The following TMX4 variants were observed in gnomAD, a reference collection of about 807,000 sequenced individuals.
The protein encoded by TMX4 is thioredoxin related transmembrane protein 4.
TMX4 carries 23 observed loss-of-function variants against 33.3 expected under a neutral mutation model. The ratio of observed to expected loss-of-function variants is 0.69; its 90% CI spans 0.50 to 0.98. The LOEUF (loss-of-function observed/expected upper bound fraction) is 0.98, where lower values mean the gene tolerates loss of function less well. Ranked by LOEUF, TMX4 falls within the 50% of genes least tolerant of loss-of-function variation. TMX4 has a pLI of 0.00. For missense variants in TMX4, 399 were observed against 448.9 expected (o/e 0.89, Z 1.01); for synonymous variants, 164 against 161.5 (o/e 1.02, Z -0.12).
intron 5 of TMX4, among the ~76,000 whole-genome samples, chr20:7,988,987 T>G (rs1379701960): frequency 6.7e-6 from 1 of 148,604 alleles, no homozygotes; most frequent in East Asian, 2.0e-4. Context: ...GCCACTGCAC[T>G]CCAGCCTGGG....
intron 5 of TMX4, among the ~76,000 whole-genome samples, chr20:7,992,154 T>G (rs2050657855): frequency 6.6e-6 from 1 of 152,226 alleles, no homozygotes; most frequent in South Asian, 2.1e-4. Context: ...GCATACAATT[T>G]TAAAGAAATT....
chr20:7,995,317 C>A (rs2050671540), intron 5 of TMX4, among the ~76,000 whole-genome samples: 1 of 152,120 alleles, frequency 6.6e-6, no homozygotes, highest in Non-Finnish European at 1.5e-5. Flanking sequence ...TTTGTTCAAT[C>A]TGGTTGGATT....
chr20:8,012,978 T>C (rs1327133559), intron 1 of TMX4, among the ~76,000 whole-genome samples: 2 of 152,216 alleles, frequency 1.3e-5, no homozygotes, highest in Non-Finnish European at 2.9e-5. Context: ...GCATGGGAAC[T>C]GGTCCATTGT....
chr20:7,985,245 A>ATATATG (rs1311791212), intron 6 of TMX4, among the ~76,000 whole-genome samples: 1 of 144,848 alleles, frequency 6.9e-6, no homozygotes, highest in African/African-American at 2.6e-5. Flanking sequence ...GTGTATATAT[A>ATATATG]TGTGTGTGTG....
chr20:7,982,646 T>C (rs1463093543), intron 7 of TMX4, 25 bp from the exon 8 acceptor site: 1 of 1,584,360 alleles, frequency 6.3e-7, no homozygotes, highest in Non-Finnish European at 8.6e-7. Flanking sequence ...AAGAGGAATA[T>C]CCTCTGAATA....
intron 6 of TMX4, among the ~76,000 whole-genome samples, chr20:7,985,278 T>TA (rs1491289875): frequency 0.04 from 2,023 of 50,758 alleles, 17 homozygotes; most frequent in East Asian, 0.16. Flanking sequence ...TATATATATA[T>TA]TTTTTTTTTT....
chr20:7,989,173 A>C (rs983830036), intron 5 of TMX4, among the ~76,000 whole-genome samples: 26 of 152,304 alleles, frequency 1.7e-4, no homozygotes, highest in African/African-American at 6.0e-4. Flanking sequence ...CTGTGTATTA[A>C]GCTTATGCTT....
At chr20:7,982,821 T>C (rs1185085664) in intron 7 of TMX4, among the ~76,000 whole-genome samples, 200 bp from the exon 8 acceptor site, 4 of 152,190 alleles carry the variant, frequency 2.6e-5, no homozygotes, top group Non-Finnish European at 4.4e-5. Context: ...GGAGATTTCA[T>C]GGACCATAAT....
chr20:8,006,965 C>A (rs896910349), intron 2 of TMX4, among the ~76,000 whole-genome samples: 2 of 152,152 alleles, frequency 1.3e-5, no homozygotes, highest in African/African-American at 4.8e-5. Context: ...AAAGGTTTCA[C>A]CACATTGGCC....
Position 7,994,214 on chromosome 20 carries a change from T to C in TMX4, c.513+1812A>G, listed in dbSNP as rs149392368. On this transcript the variant is annotated intron_variant, in intron 5 of 7. Transcript: ENST00000246024. Reference sequence around the variant, plus strand: ...TCCTTTTGGAAATATCTGGAAATTATAAATATACATTTATATAACATATAT... The same window carrying C: ...TCCTTTTGGAAATATCTGGAAATTACAAATATACATTTATATAACATATAT... Among the ~76,000 whole-genome samples the C allele has an allele frequency of 1.2e-3, 178 of 152,272 alleles. 2 individuals are homozygous for C. The highest frequency in any genetic ancestry group is 4.2e-3 in the African/African-American group (173 of 41,556).
At position 7,979,356 on chromosome 20, in the gene TMX4, C is replaced by T. The variant is rs2050594856; in HGVS notation, c.*2895G>A. ...AGGGAAAATCAGGAAAAATGGTTCCCACAGATATTTAAAGTTTTAATGGGT... is the reference window on the plus strand; with the variant it reads ...AGGGAAAATCAGGAAAAATGGTTCCTACAGATATTTAAAGTTTTAATGGGT... On this transcript the variant is annotated 3_prime_UTR_variant, in exon 8 of 8. Transcript: ENST00000246024. 6.6e-6 allele frequency: 1 copy of T among 152,026 alleles called. No individual in the cohort carries two copies. Among genetic ancestry groups the T allele is most frequent in the South Asian group, 2.1e-4 (1 of 4,822 alleles). The allele number at this position is 152,026 out of a possible 1,614,324, so 9.4% of individuals were successfully genotyped here.
At position 8,016,552 on chromosome 20, in the gene TMX4, T is replaced by C. The variant is rs142836928; in HGVS notation, c.176+2886A>G. ...TTGCAAGAATCCAAAAAATTGACTG[T>C]TTGAAAGACTAAGAAAAAATAACCA... On this transcript the variant is annotated intron_variant, in intron 1 of 7. Coordinates refer to ENST00000246024, the MANE Select transcript of TMX4 (RefSeq NM_021156.4). 3.9e-5 allele frequency among the ~76,000 whole-genome samples: 6 copies of C among 152,286 alleles called. No homozygotes were observed. The East Asian group carries it at 1.2e-3, about 29-fold the overall frequency.
chr20:8,001,439 T>C, intron 3 of TMX4, 57 bp downstream of exon 3: 1 of 1,506,344 alleles, frequency 6.6e-7, no homozygotes, highest in Non-Finnish European at 9.1e-7. Context: ...TTAGAATTCC[T>C]GGTACACATC....
rs188408372 is a variant in TMX4, at chr20:7,978,680, G to A, written c.*3571C>T. The A allele has an allele frequency of 6.6e-6, 1 of 152,292 alleles. No homozygotes were observed. Among genetic ancestry groups the A allele is most frequent in the Non-Finnish European group, 1.5e-5 (1 of 68,046 alleles). 9.4% of individuals were successfully genotyped at this position (152,292 alleles called of 1,614,324 possible). A position where few individuals can be genotyped will look rare whatever the true frequency, so the allele number is the denominator to read the frequency against. On this transcript the variant is annotated 3_prime_UTR_variant, in exon 8 of 8. Transcript: ENST00000246024. ...TAACAGACAGGGATTCCATGCACAA[G>A]AGCTTTTAAGTATGTGCCCATGCAG...
chr20:8,013,090 A>T (rs980538802), intron 1 of TMX4, among the ~76,000 whole-genome samples: 12 of 152,326 alleles, frequency 7.9e-5, no homozygotes, highest in African/African-American at 2.6e-4. Context: ...GACAAAATGA[A>T]TGCAAGGATC....
chr20:8,008,830 A>G (rs978576176), intron 2 of TMX4, among the ~76,000 whole-genome samples: 2 of 152,176 alleles, frequency 1.3e-5, no homozygotes, highest in African/African-American at 4.8e-5. Context: ...ACCATGAACT[A>G]ATAGCTTTTA....
intron 3 of TMX4, 138 bp downstream of exon 3, chr20:8,001,358 C>A: frequency 1.1e-6 from 1 of 870,058 alleles, no homozygotes; most frequent in African/African-American, 1.7e-5. Context: ...TGTCACAGCT[C>A]TCACTCAGAG....
chr20:7,983,366 C>G (rs954269175), intron 7 of TMX4, among the ~76,000 whole-genome samples: 1 of 152,130 alleles, frequency 6.6e-6, no homozygotes, highest in African/African-American at 2.4e-5. Context: ...CAAAAATAGT[C>G]TGGAATAAAG....
intron 5 of TMX4, among the ~76,000 whole-genome samples, chr20:7,995,382 A>G (rs2050671820): frequency 6.6e-6 from 1 of 152,238 alleles, no homozygotes; most frequent in Admixed American, 6.5e-5. Context: ...ACTCAACATT[A>G]TATAATGGTT....
Sources: gnomAD v4.1 joint callset for allele counts (sites outside exome capture counted in the v4.1 genomes callset) on GRCh38, gnomAD v4.1.1 for gene constraint, MANE v1.5 for transcripts, NCBI Gene and HGNC (gene_info 2026-07-23, HGNC 2026-07-21) for gene names.